The following SCLY variants were observed in gnomAD, a reference collection of about 807,000 sequenced individuals.
The protein encoded by SCLY is selenocysteine lyase, also known as putative selenocysteine lyase.
In SCLY, 38 loss-of-function variants were observed where a neutral mutation model predicts 50.1. The observed-to-expected ratio is 0.76, with a 90% confidence interval of 0.59 to 0.99. The LOEUF (loss-of-function observed/expected upper bound fraction) is 0.99. Ranked by LOEUF, SCLY falls within the 50% of genes least tolerant of loss-of-function variation. The pLI is 0.00. For synonymous variants in SCLY, 243 were observed against 249.4 expected, an observed-to-expected ratio of 0.97 and a Z score of 0.24; for missense variants, 600 against 620.0, an observed-to-expected ratio of 0.97 and a Z score of 0.34.
chr2:238,098,626 C>T lies in SCLY; in HGVS notation c.*271C>T, dbSNP rs750204287. ...ACATAGGACCGCCCACATGGGACCG[C>T]CCACATGGGACCGCCCACATGGGAC... On this transcript the variant is annotated 3_prime_UTR_variant, in exon 12 of 12. Coordinates refer to ENST00000254663, the MANE Select transcript of SCLY (RefSeq NM_016510.7). 601 of 324,614 alleles carry T rather than the reference C, an allele frequency of 1.9e-3. 21 individuals are homozygous for T. The highest frequency in any genetic ancestry group is 0.01 in the African/African-American group (353 of 34,586). The allele number at this position is 324,614 out of a possible 1,614,324, so 20.1% of individuals were successfully genotyped here. A position where few individuals can be genotyped will look rare whatever the true frequency, so the allele number is the denominator to read the frequency against.
intron 8 of SCLY, chr2:238,091,530 G>GA: frequency 4.0e-4 from 173 of 432,420 alleles, no homozygotes; most frequent in South Asian, 9.4e-4. Flanking sequence ...CAGAGGTGAA[G>GA]TGTCAAGCTG....
Position 238,096,784 on chromosome 2 carries a change from G to A in SCLY, c.1109-17G>A, listed in dbSNP as rs769921533. ...GGCTGGAGCCCCATCTCAGGGGCAT[G>A]TGCTCTGTCTCCGCAGGCCACGTGG... On this transcript the variant is annotated splice_polypyrimidine_tract_variant and intron_variant, in intron 10 of 11. Coordinates refer to ENST00000254663, the MANE Select transcript of SCLY (RefSeq NM_016510.7). The A allele has an allele frequency of 1.7e-5, 28 of 1,602,822 alleles. No individual in the cohort carries two copies. In the Middle Eastern group the frequency reaches 5.0e-4, roughly 28 times the overall value.
rs147808149 is a variant in SCLY, at chr2:238,094,125, C to A, written c.1005+181C>A. The A allele has an allele frequency of 3.2e-3, 2,081 of 652,056 alleles. 7 individuals carry two copies. The highest frequency in any genetic ancestry group is 5.5e-3 in the South Asian group (287 of 52,126). 40.4% of individuals were successfully genotyped at this position (652,056 alleles called of 1,614,324 possible). The stretch of plus-strand genomic sequence containing the variant: ...CAGAAAGTACATTGGGATCTGAAAC[C>A]CCGAAAGCAGGACCCTAGGCCAGGG... On this transcript the variant is annotated intron_variant, in intron 9 of 11. Transcript: ENST00000254663.
intron 9 of SCLY, 161 bp from the exon 10 acceptor site, chr2:238,094,259 C>A (rs1574716628): frequency 1.5e-6 from 1 of 668,712 alleles, no homozygotes; most frequent in East Asian, 2.6e-5. Flanking sequence ...TCCTAATTAA[C>A]TTTGCTTTCC....
chr2:238,097,123 C>T (rs2065446233), intron 11 of SCLY, among the ~76,000 whole-genome samples: 1 of 124,922 alleles, frequency 8.0e-6, no homozygotes, highest in African/African-American at 3.0e-5. Flanking sequence ...GGAGGGAGGG[C>T]AGGGCCTGGA....
At chr2:238,088,193 A>G (rs1319216991) in intron 7 of SCLY, among the ~76,000 whole-genome samples, 1 of 152,178 alleles carries the variant, frequency 6.6e-6, no homozygotes, top group Non-Finnish European at 1.5e-5. Context: ...CGGGAGTGGT[A>G]GCTCATGCCT....
intron 7 of SCLY, 52 bp from the exon 8 acceptor site, chr2:238,091,166 A>G: frequency 6.8e-7 from 1 of 1,473,026 alleles, no homozygotes; most frequent in African/African-American, 1.4e-5. Context: ...TGGAGACAGG[A>G]TTCCTTCCTG....
intron 7 of SCLY, among the ~76,000 whole-genome samples, chr2:238,084,145 A>G (rs1379225634): frequency 6.6e-6 from 1 of 152,224 alleles, no homozygotes; most frequent in Non-Finnish European, 1.5e-5. Flanking sequence ...GGTATCCCAC[A>G]CCACCACCGG....
intron 9 of SCLY, 120 bp downstream of exon 9, chr2:238,094,064 C>T: frequency 1.1e-6 from 1 of 885,248 alleles, no homozygotes; most frequent in Non-Finnish European, 1.8e-6. Flanking sequence ...TAGCCTGGAA[C>T]TCAGCAGGAT....
At chr2:238,076,162 G>A (rs1050205953) in intron 4 of SCLY, among the ~76,000 whole-genome samples, 1 of 149,768 alleles carries the variant, frequency 6.7e-6, no homozygotes, top group Admixed American at 6.7e-5. Context: ...CACAATCTCA[G>A]CTTACTGCAA....
In SCLY at chr2:238,098,316, C is replaced by A. The variant is rs1691282424; in HGVS notation, c.1299C>A (p.Asp433Glu). The part of the protein sequence containing the change: ...TRAEVDLVVQ[D>E]LKQAVAQLED... ...CCGAGGTGGACCTCGTCGTGCAGGA[C>A]CTGAAGCAGGCCGTGGCGCAGCTGG... is the stretch of plus-strand genomic sequence containing the variant. The change falls in exon 12 of 12, where the codon GAC (aspartate) becomes GAA (glutamate). Residue 433 changes from aspartate to glutamate, a missense_variant. By Grantham distance (45) the Asp-to-Glu change is conservative. Coordinates refer to ENST00000254663, the MANE Select transcript of SCLY (RefSeq NM_016510.7). 1 of 1,606,592 alleles carries A rather than the reference C, an allele frequency of 6.2e-7. No individual in the cohort carries two copies.
rs113252522 is a variant in SCLY, at chr2:238,091,583, C to T, written c.921+329C>T. ...AAGGCGTCGGCAGCCCCCGCACCAT[C>T]GACGTTCTGTCCCCGATTGGTCTGT... is the stretch of plus-strand genomic sequence containing the variant. On this transcript the variant is annotated intron_variant, in intron 8 of 11. Coordinates refer to ENST00000254663, the MANE Select transcript of SCLY (RefSeq NM_016510.7). 4.7e-4 allele frequency: 162 copies of T among 344,876 alleles called. 2 individuals are homozygous for T. The Middle Eastern group carries it at 0.019, about 40-fold the overall frequency. 21.4% of individuals were successfully genotyped at this position (344,876 alleles called of 1,614,324 possible).
chr2:238,091,473 C>T (rs147111555), intron 8 of SCLY: 16 of 576,548 alleles, frequency 2.8e-5, no homozygotes, highest in Non-Finnish European at 4.1e-5. Context: ...GGGAAAAACT[C>T]CTTGTCTGTG....
rs60583769 is a variant in SCLY, at chr2:238,094,041, G to C, written c.1005+97G>C. 1.6e-3 allele frequency: 1,773 copies of C among 1,077,698 alleles called. 39 individuals are homozygous for C. The Admixed American group carries it at 0.026, about 16-fold the overall frequency. The allele number at this position is 1,077,698 out of a possible 1,614,324, so 66.8% of individuals were successfully genotyped here. A position where few individuals can be genotyped will look rare whatever the true frequency, so the allele number is the denominator to read the frequency against. ...GGTGCTCCCAGACCCCAGGACCTGT[G>C]GGGATTGCAGCGTAGCCTGGAACTC... On this transcript the variant is annotated intron_variant, in intron 9 of 11. Coordinates refer to ENST00000254663, the MANE Select transcript of SCLY (RefSeq NM_016510.7).
chr2:238,090,210 C>G (rs2065347807), intron 7 of SCLY, among the ~76,000 whole-genome samples: 1 of 152,108 alleles, frequency 6.6e-6, no homozygotes, highest in Admixed American at 6.6e-5. Context: ...AAATTAAAAC[C>G]ACCAGATATC....
At chr2:238,097,375 C>T (rs2065449533) in intron 11 of SCLY, among the ~76,000 whole-genome samples, 1 of 130,728 alleles carries the variant, frequency 7.6e-6, no homozygotes, top group South Asian at 2.2e-4. Context: ...GCGTGGGGTG[C>T]CCGAGCAGCG....
chr2:238,071,617 A>G (rs1187093572), intron 4 of SCLY, among the ~76,000 whole-genome samples: 1 of 152,180 alleles, frequency 6.6e-6, no homozygotes, highest in Middle Eastern at 3.2e-3. Context: ...TCTCCAAAAC[A>G]AAAAAACAAA....
intron 7 of SCLY, among the ~76,000 whole-genome samples, chr2:238,085,115 TAATC>T (rs1236614895): frequency 3.9e-5 from 6 of 152,142 alleles, no homozygotes; most frequent in Non-Finnish European, 8.8e-5. Context: ...TGAACAATAA[TAATC>T]AATATACGCC....
At chr2:238,080,127 T>C (rs2065220737) in intron 4 of SCLY, 1 of 152,260 alleles carries the variant, frequency 6.6e-6, no homozygotes, top group African/African-American at 2.4e-5. Context: ...TTCCTTTTGG[T>C]TCTTTTTCAT....
Sources: gnomAD v4.1 joint callset for allele counts (sites outside exome capture counted in the v4.1 genomes callset) on GRCh38, gnomAD v4.1.1 for gene constraint, MANE v1.5 for transcripts, NCBI Gene and HGNC (gene_info 2026-07-23, HGNC 2026-07-21) for gene names.